The following ZBTB16 variants were observed in gnomAD, a reference collection of about 807,000 sequenced individuals.
ZBTB16 encodes the protein zinc finger and BTB domain-containing protein 16.
In ZBTB16, 8 loss-of-function variants were observed where a neutral mutation model predicts 56.8. The ratio of observed to expected loss-of-function variants is 0.14; its 90% CI spans 0.08 to 0.25. The LOEUF (loss-of-function observed/expected upper bound fraction) is 0.25, where lower values mean the gene tolerates loss of function less well. Ranked by LOEUF, ZBTB16 falls within the 10% of genes least tolerant of loss-of-function variation. ZBTB16 has a pLI of 1.00. For missense variants in ZBTB16, 625 were observed against 903.0 expected, an observed-to-expected ratio of 0.69 and a Z score of 3.95; for synonymous variants, 363 against 368.5, an observed-to-expected ratio of 0.98 and a Z score of 0.17.
chr11:114,088,340 C>T (rs970446054), intron 2 of ZBTB16, among the ~76,000 whole-genome samples: 9 of 152,024 alleles, frequency 5.9e-5, no homozygotes, highest in Non-Finnish European at 1.2e-4. Flanking sequence ...TGCGGTTTCG[C>T]CATGCTGGCC....
intron 3 of ZBTB16, among the ~76,000 whole-genome samples, chr11:114,159,478 A>G (rs1459441668): frequency 6.6e-6 from 1 of 152,040 alleles, no homozygotes; most frequent in East Asian, 1.9e-4. Context: ...TGATATTTCT[A>G]TTCTTTTTTT....
chr11:114,219,094 C>T (rs777305468), intron 4 of ZBTB16, among the ~76,000 whole-genome samples: 2 of 152,086 alleles, frequency 1.3e-5, no homozygotes, highest in Non-Finnish European at 2.9e-5. Context: ...ATATGTATAG[C>T]GGGGCTGGGG....
chr11:114,190,502 A>G (rs1004326695), intron 4 of ZBTB16, among the ~76,000 whole-genome samples: 1 of 152,192 alleles, frequency 6.6e-6, no homozygotes, highest in Non-Finnish European at 1.5e-5. Context: ...TATCCTGTAC[A>G]TGACTTCAAA....
chr11:114,220,336 G>A (rs2135149395), intron 4 of ZBTB16, among the ~76,000 whole-genome samples: 1 of 152,322 alleles, frequency 6.6e-6, no homozygotes, highest in South Asian at 2.1e-4. Flanking sequence ...TGTGGTGTTG[G>A]AGTGGGGGAT....
intron 2 of ZBTB16, among the ~76,000 whole-genome samples, chr11:114,144,871 G>A (rs1456782541): frequency 6.6e-6 from 1 of 152,222 alleles, no homozygotes; most frequent in East Asian, 1.9e-4. Context: ...CAAGGAAGGT[G>A]CATTATTAAA....
At chr11:114,241,174 A>G (rs1165001330) in intron 4 of ZBTB16, among the ~76,000 whole-genome samples, 1 of 152,204 alleles carries the variant, frequency 6.6e-6, no homozygotes, top group East Asian at 1.9e-4. Flanking sequence ...GAAGGCATCA[A>G]ATAATACTTG....
At chr11:114,224,940 G>A (rs1282861394) in intron 4 of ZBTB16, among the ~76,000 whole-genome samples, 2 of 152,192 alleles carry the variant, frequency 1.3e-5, no homozygotes, top group Admixed American at 6.5e-5. Flanking sequence ...AGAAGCAGGA[G>A]TGGGATTACA....
intron 2 of ZBTB16, among the ~76,000 whole-genome samples, chr11:114,096,497 C>T (rs1336347885): frequency 6.6e-5 from 10 of 152,114 alleles, no homozygotes; most frequent in South Asian, 2.1e-4. Context: ...TGTGCTGCCT[C>T]GTACAGTAAG....
intron 5 of ZBTB16, among the ~76,000 whole-genome samples, chr11:114,245,222 G>A (rs1446089781): frequency 6.6e-6 from 1 of 152,214 alleles, no homozygotes; most frequent in Non-Finnish European, 1.5e-5. Flanking sequence ...AGGATGGGCA[G>A]GTAGCAATTT....
chr11:114,239,867 G>A (rs1944666906), intron 4 of ZBTB16, among the ~76,000 whole-genome samples: 1 of 152,194 alleles, frequency 6.6e-6, no homozygotes, highest in Admixed American at 6.5e-5. Context: ...CGTGGTTTCT[G>A]AAAGACAAAC....
At chr11:114,157,857 C>A (rs1005856345) in intron 3 of ZBTB16, among the ~76,000 whole-genome samples, 7 of 152,146 alleles carry the variant, frequency 4.6e-5, no homozygotes, top group African/African-American at 1.7e-4. Flanking sequence ...TGTCTTCGTG[C>A]ATTCTGTTCT....
chr11:114,153,890 A>T (rs1942338026), intron 2 of ZBTB16, among the ~76,000 whole-genome samples: 2 of 152,350 alleles, frequency 1.3e-5, no homozygotes, highest in South Asian at 4.1e-4. Context: ...GACTTGTCCA[A>T]GGTTAATGGC....
chr11:114,063,306 T>C lies in ZBTB16; in HGVS notation c.6T>C (p.Asp2=). 6.2e-7 allele frequency: 1 copy of C among 1,613,520 alleles called. No individual in the cohort carries two copies. The highest frequency in any genetic ancestry group is 1.3e-5 in the African/African-American group (1 of 74,852). ...CCTGAGCCGAGGGGAGCACCATGGA[T>C]CTGACAAAAATGGGCATGATCCAGC... M[D]LTKMGMIQLQ... is the part of the protein sequence containing the mutation. The change falls in exon 2 of 7, where the codon GAT becomes GAC. Residue 2 remains aspartate (D), a synonymous_variant. Coordinates refer to ENST00000335953, the MANE Select transcript of ZBTB16 (RefSeq NM_006006.6). The surrounding 1 kb of genome is among the most constrained non-coding windows in gnomAD (Gnocchi z 6.5).
At chr11:114,066,994 T>A (rs2137662167) in intron 2 of ZBTB16, among the ~76,000 whole-genome samples, 1 of 152,134 alleles carries the variant, frequency 6.6e-6, no homozygotes, top group East Asian at 1.9e-4. Flanking sequence ...ATGGTCTCGA[T>A]CTCTTGACCT....
intron 2 of ZBTB16, among the ~76,000 whole-genome samples, chr11:114,127,494 T>C (rs1941541601): frequency 1.3e-5 from 2 of 152,004 alleles, no homozygotes; most frequent in Non-Finnish European, 2.9e-5. Context: ...CCCACCCCAG[T>C]ACACACACAC....
intron 2 of ZBTB16, among the ~76,000 whole-genome samples, chr11:114,152,070 G>A (rs927049565): frequency 3.9e-4 from 60 of 152,210 alleles, no homozygotes; most frequent in African/African-American, 1.4e-3. Context: ...ACAGGACAGG[G>A]TCCAGTTTTG....
intron 2 of ZBTB16, among the ~76,000 whole-genome samples, chr11:114,070,935 A>G (rs577997569): frequency 1.8e-4 from 27 of 152,284 alleles, no homozygotes; most frequent in Non-Finnish European, 7.4e-5. Flanking sequence ...GGTTGTGAAG[A>G]TAGGAAGATG....
At position 114,064,567 on chromosome 11, in the gene ZBTB16, A is replaced by G; in HGVS notation, c.1267A>G (p.Arg423Gly). 3 of 1,613,648 alleles carry G rather than the reference A, an allele frequency of 1.9e-6. No homozygotes were observed. The highest frequency in any genetic ancestry group is 1.7e-6 in the Non-Finnish European group (2 of 1,180,014). Residue 423 changes from arginine to glycine, a missense_variant and splice_region_variant, in exon 2 of 7, where the codon AGG (arginine) becomes GGG (glycine). This residue lies in a region of ZBTB16 where 140 missense variants were observed against 214.8 expected (regional missense o/e 0.65). Transcript: ENST00000335953. This position sits in a 1 kb window ranked among gnomAD's most constrained non-coding sequence, Gnocchi z 4.2. ...TGATAACGAGGCTGTGGAGCAGCAC[A>G]GGTAGGCCCCGCTCCAGCCCCGCAC... ...LPDNEAVEQH[R>G]KLHSGMKTYG...
intron 3 of ZBTB16, among the ~76,000 whole-genome samples, chr11:114,170,637 A>AT (rs1264892756): frequency 6.6e-6 from 1 of 151,844 alleles, no homozygotes. Flanking sequence ...AAAAAAAAAA[A>AT]GCAAATTCTA....
Sources: gnomAD v4.1 joint callset for allele counts (sites outside exome capture counted in the v4.1 genomes callset) on GRCh38, gnomAD v4.1.1 for gene constraint, gnomAD v4.1.1 regional missense constraint, Gnocchi (gnomAD v3.1) non-coding constraint, MANE v1.5 for transcripts, NCBI Gene and HGNC (gene_info 2026-07-23, HGNC 2026-07-21) for gene names.